Variants in NRDC observed in about 807,000 individuals in gnomAD.
The protein encoded by NRDC is nardilysin.
Under a neutral mutation model 147.1 loss-of-function variants are expected in NRDC, and 54 were observed. That is an observed-to-expected ratio of 0.37 (90% CI 0.29 to 0.46). The LOEUF is 0.46. NRDC is among the 20% of genes least tolerant of loss of function. The pLI is 1.00. For synonymous variants in NRDC, 440 were observed against 482.1 expected, an observed-to-expected ratio of 0.91 and a Z score of 1.14; for missense variants, 1,082 against 1,370.6, an observed-to-expected ratio of 0.79 and a Z score of 3.33.
intron 1 of NRDC, among the ~76,000 whole-genome samples, chr1:51,855,218 A>G (rs754320444): frequency 6.6e-6 from 1 of 152,036 alleles, no homozygotes; most frequent in African/African-American, 2.4e-5. Flanking sequence ...GCCTTTAAAA[A>G]CCCTTACCTG....
chr1:51,809,258 T>C (rs1679603792), intron 17 of NRDC, 57 bp downstream of exon 17: 7 of 1,033,874 alleles, frequency 6.8e-6, no homozygotes, highest in Non-Finnish European at 1.1e-5. Flanking sequence ...TAATGTGCTA[T>C]ACAGGTGCCT....
rs763681441 is a variant in NRDC at position 51,814,624 on chromosome 1, T to A, written c.1561-15A>T. Reference sequence around the variant, plus strand: ...GTGTAAGCAACCTGAAAACAAAACATCCAATTAGTCTTTTGCATAAAGTGA... The same window carrying A: ...GTGTAAGCAACCTGAAAACAAAACAACCAATTAGTCTTTTGCATAAAGTGA... On this transcript the variant is annotated splice_polypyrimidine_tract_variant and intron_variant, in intron 12 of 30. Coordinates refer to ENST00000352171, the MANE Select transcript of NRDC (RefSeq NM_001101662.2). The A allele has an allele frequency of 1.2e-6, 2 of 1,611,682 alleles. No homozygotes were observed. The highest frequency in any genetic ancestry group is 1.1e-5 in the South Asian group (1 of 90,972).
chr1:51,794,733 G>A, intron 23 of NRDC, 90 bp downstream of exon 23: 1 of 1,582,244 alleles, frequency 6.3e-7, no homozygotes, highest in Non-Finnish European at 8.6e-7. Flanking sequence ...TATTTCAATT[G>A]GGTGTTTAGT....
chr1:51,829,818 CTATT>C (rs997292557), intron 4 of NRDC, among the ~76,000 whole-genome samples: 4 of 152,098 alleles, frequency 2.6e-5, no homozygotes, highest in Non-Finnish European at 4.4e-5. Context: ...ATCTTCAACT[CTATT>C]TACTCTTAAA....
At chr1:51,856,376 A>C (rs1316644447) in intron 1 of NRDC, among the ~76,000 whole-genome samples, 1 of 152,140 alleles carries the variant, frequency 6.6e-6, no homozygotes, top group African/African-American at 2.4e-5. Flanking sequence ...CTCAGTCCCC[A>C]AGACTGCCCT....
chr1:51,842,651 C>CA (rs1000356374), intron 1 of NRDC, among the ~76,000 whole-genome samples: 50 of 152,000 alleles, frequency 3.3e-4, no homozygotes, highest in African/African-American at 1.2e-3. Flanking sequence ...AAGCAAATCA[C>CA]AAAAAAATAC....
chr1:51,798,163 A>C, intron 22 of NRDC, 86 bp downstream of exon 22: 1 of 1,382,538 alleles, frequency 7.2e-7, no homozygotes, highest in East Asian at 2.3e-5. Flanking sequence ...TGCCAAAACT[A>C]CAGCTTCCCC....
chr1:51,873,179 A>C (rs995669463), intron 1 of NRDC, among the ~76,000 whole-genome samples: 1 of 151,838 alleles, frequency 6.6e-6, no homozygotes, highest in East Asian at 1.9e-4. Flanking sequence ...CAAAAAAAAA[A>C]GTTCTCTTGT....
intron 4 of NRDC, among the ~76,000 whole-genome samples, chr1:51,828,707 T>C (rs1680562663): frequency 7.0e-6 from 1 of 143,340 alleles, no homozygotes; most frequent in African/African-American, 2.6e-5. Flanking sequence ...TTTCCTAAAA[T>C]GTTTAGTAAA....
chr1:51,849,446 C>T (rs549671025), intron 1 of NRDC, among the ~76,000 whole-genome samples: 1 of 151,902 alleles, frequency 6.6e-6, no homozygotes, highest in East Asian at 2.0e-4. Context: ...AAAAACCCAA[C>T]AAGATTTTTT....
intron 27 of NRDC, 63 bp downstream of exon 27, chr1:51,791,515 C>A: frequency 7.3e-7 from 1 of 1,360,974 alleles, no homozygotes; most frequent in East Asian, 2.3e-5. Context: ...TAAGGAAACA[C>A]ATGTAGCCCC....
intron 1 of NRDC, among the ~76,000 whole-genome samples, chr1:51,871,102 A>C (rs1443561095): frequency 2.0e-5 from 3 of 152,118 alleles, no homozygotes; most frequent in Non-Finnish European, 4.4e-5. Context: ...GGATCACCTG[A>C]GGTCAGGAGT....
chr1:51,819,966 T>C, intron 8 of NRDC, 93 bp from the exon 9 acceptor site: 2 of 919,428 alleles, frequency 2.2e-6, no homozygotes, highest in Non-Finnish European at 3.4e-6. Flanking sequence ...ATTTATAATC[T>C]ATTCTACATA....
intron 1 of NRDC, among the ~76,000 whole-genome samples, chr1:51,847,114 T>C (rs1429242991): frequency 2.6e-5 from 4 of 152,274 alleles, no homozygotes; most frequent in South Asian, 2.1e-4. Flanking sequence ...AGAGTGCAGA[T>C]TGGTGCATTT....
intron 1 of NRDC, among the ~76,000 whole-genome samples, chr1:51,875,528 G>A (rs369073316): frequency 3.3e-5 from 5 of 152,066 alleles, no homozygotes; most frequent in Admixed American, 1.3e-4. Context: ...ACATACCTCC[G>A]TTATGGCTTC....
chr1:51,870,679 T>C (rs1683039036), intron 1 of NRDC, among the ~76,000 whole-genome samples: 1 of 152,164 alleles, frequency 6.6e-6, no homozygotes, highest in Non-Finnish European at 1.5e-5. Flanking sequence ...TGAAGATATT[T>C]TCTCGTCTCT....
At position 51,840,524 on chromosome 1, in the gene NRDC, G is replaced by T; in HGVS notation, c.342-10C>A. The T allele has an allele frequency of 1.4e-6, 2 of 1,465,104 alleles. No homozygotes were observed. The highest frequency in any genetic ancestry group is 1.8e-6 in the Non-Finnish European group (2 of 1,093,370). 90.8% of individuals were successfully genotyped at this position (1,465,104 alleles called of 1,614,324 possible). On this transcript the variant is annotated splice_polypyrimidine_tract_variant and intron_variant, in intron 1 of 30. Coordinates refer to ENST00000352171, the MANE Select transcript of NRDC (RefSeq NM_001101662.2). ...CTGTAATTTGATGTATCTGGGGGGAGAAAAAAAAAATCACACATTTTGATT... is the reference window on the plus strand; with the variant it reads ...CTGTAATTTGATGTATCTGGGGGGATAAAAAAAAAATCACACATTTTGATT...
At chr1:51,791,982 G>T in intron 26 of NRDC, 64 bp downstream of exon 26, 2 of 1,539,844 alleles carry the variant, frequency 1.3e-6, no homozygotes, top group Non-Finnish European at 1.8e-6. Context: ...GATATCTGAT[G>T]AACAGCCTGC....
chr1:51,793,349 C>CTG (rs1678740839), intron 24 of NRDC, among the ~76,000 whole-genome samples: 1 of 152,216 alleles, frequency 6.6e-6, no homozygotes, highest in Non-Finnish European at 1.5e-5. Flanking sequence ...AAAGGCTAGG[C>CTG]TGTACCATTT....
Sources: gnomAD v4.1 joint callset for allele counts (sites outside exome capture counted in the v4.1 genomes callset) on GRCh38, gnomAD v4.1.1 for gene constraint, MANE v1.5 for transcripts, NCBI Gene and HGNC (gene_info 2026-07-23, HGNC 2026-07-21) for gene names.